CLDN15: variants seen among roughly 807,000 people sequenced by gnomAD.
CLDN15 encodes the protein claudin 15.
A neutral mutation model predicts 24.5 loss-of-function variants in CLDN15; 9 were observed. The ratio of observed to expected loss-of-function variants is 0.37; its 90% confidence interval spans 0.22 to 0.64. The LOEUF is 0.64. CLDN15 is among the 30% of genes least tolerant of loss of function. The pLI is 0.63. For missense variants in CLDN15, 248 were observed against 305.9 expected, an observed-to-expected ratio of 0.81 and a Z score of 1.41; for synonymous variants, 149 against 131.4, an observed-to-expected ratio of 1.13 and a Z score of -0.92.
chr7:101,234,281 C>T lies in CLDN15; in HGVS notation c.379G>A (p.Ala127Thr). 2 of 1,605,208 alleles carry T rather than the reference C, an allele frequency of 1.2e-6. No homozygotes were observed. The highest frequency in any genetic ancestry group is 1.7e-6 in the Non-Finnish European group (2 of 1,177,938). ...AATAGALHILAGICGMVAISW... is the reference protein window; with the variant it reads ...AATAGALHILTGICGMVAISW... ...CCCATCACCTTCCCCCAGTTACCGG[C>T]CAGAATGTGGAGGGCCCCTGCGGTG... The change falls in exon 2 of 5, where the codon GCC (alanine) becomes ACC (threonine). Residue 127 changes from alanine to threonine, a missense_variant. Ala to Thr is a moderately conservative substitution (Grantham distance 58). Transcript: ENST00000308344.
chr7:101,236,487 G>T (rs1338174732), intron 1 of CLDN15, among the ~76,000 whole-genome samples: 1 of 152,194 alleles, frequency 6.6e-6, no homozygotes, highest in Non-Finnish European at 1.5e-5. Context: ...ACGGTGCCTG[G>T]TGAGTGGACT....
Position 101,232,621 on chromosome 7 carries a change from G to C in CLDN15, c.564C>G (p.Asp188Glu). ...CTGCTCACCTGGCGGCTGGGTCCTC[G>C]TCAGAGCCGCAGCAGCAGGCGGAGC... ...CLCSACCCGS[D>E]EDPAASARRP... The change falls in exon 4 of 5, where the codon GAC (aspartate) becomes GAG (glutamate). Residue 188 changes from aspartate to glutamate, a missense_variant. By Grantham distance (45) the Asp-to-Glu change is conservative. Coordinates refer to ENST00000308344, the MANE Select transcript of CLDN15 (RefSeq NM_014343.3). 1.3e-6 allele frequency: 2 copies of C among 1,589,696 alleles called. No individual in the cohort carries two copies. Among genetic ancestry groups the C allele is most frequent in the African/African-American group, 2.7e-5 (2 of 74,644 alleles).
chr7:101,234,297 C>G lies in CLDN15; in HGVS notation c.363G>C (p.Gly121=). 1.2e-6 allele frequency: 2 copies of G among 1,608,448 alleles called. No individual in the cohort carries two copies. Among genetic ancestry groups the G allele is most frequent in the Non-Finnish European group, 1.7e-6 (2 of 1,179,578 alleles). ...SRKAKLAATA[G]ALHILAGICG... is the part of the protein sequence containing the mutation. ...AGTTACCGGCCAGAATGTGGAGGGC[C>G]CCTGCGGTGGCCGCCAGCTTGGCTT... Residue 121 remains glycine (G), a synonymous_variant, in exon 2 of 5, where the codon GGG becomes GGC. Coordinates refer to ENST00000308344, the MANE Select transcript of CLDN15 (RefSeq NM_014343.3).
chr7:101,232,419 G>A lies in CLDN15; in HGVS notation c.678C>T (p.Ala226=), dbSNP rs1175366935. The change falls in exon 5 of 5, where the codon GCC becomes GCT. Residue 226 remains alanine (A), a synonymous_variant. Coordinates refer to ENST00000308344, the MANE Select transcript of CLDN15 (RefSeq NM_014343.3). ...CCACGGGCCAGAGCTGCTACACGTA[G>A]GCGTTTCTGCCGTATTTGCCAAAGC... is the stretch of plus-strand genomic sequence containing the variant. ...DSSFGKYGRN[A]YV 2 of 1,611,598 alleles carry A rather than the reference G, an allele frequency of 1.2e-6. No individual in the cohort carries two copies. Among genetic ancestry groups the A allele is most frequent in the East Asian group, 2.2e-5 (1 of 44,850 alleles).
intron 1 of CLDN15, among the ~76,000 whole-genome samples, chr7:101,236,268 G>C (rs1356571167): frequency 2.6e-5 from 4 of 151,210 alleles, no homozygotes; most frequent in East Asian, 3.8e-4. Context: ...TTTGGGGGGG[G>C]GGCCCGCCGG....
intron 1 of CLDN15, among the ~76,000 whole-genome samples, chr7:101,235,865 C>T (rs1007273284): frequency 5.3e-5 from 8 of 152,076 alleles, no homozygotes; most frequent in Non-Finnish European, 7.4e-5. Context: ...GGTTGGGAGA[C>T]GCAGTCAGGT....
upstream of CLDN15, chr7:101,238,585 G>A (rs1469342776): frequency 6.6e-6 from 1 of 152,250 alleles, no homozygotes; most frequent in East Asian, 1.9e-4. Context: ...AACTGTCCTG[G>A]ATGTGAGTGT....
rs1468215851 is a variant in CLDN15, at chr7:101,237,093, GC to G, written c.217+271del. Among the ~76,000 whole-genome samples the G allele has an allele frequency of 1.3e-5, 2 of 152,184 alleles. No individual in the cohort carries two copies. Among genetic ancestry groups the G allele is most frequent in the African/African-American group, 4.8e-5 (2 of 41,440 alleles). On this transcript the variant is annotated intron_variant, in intron 1 of 4. Transcript: ENST00000308344. The surrounding 1 kb of genome is among the most constrained non-coding windows in gnomAD (Gnocchi z 4.0). The stretch of plus-strand genomic sequence containing the variant: ...GGAGATGAAGCTGGTTTCATCATTT[GC>G]CCACAGCACAGGGCTGGGAAAGGGG...
chr7:101,233,416 TTACCTCTGGAAAACAAGCAA>T (rs1798540976), intron 2 of CLDN15, among the ~76,000 whole-genome samples: 1 of 152,142 alleles, frequency 6.6e-6, no homozygotes, highest in African/African-American at 2.4e-5. Context: ...TGGGCCTGTT[TTACCTCTGGAAAACAAGCAA>T]TACCCACCCT....
rs1798646972 is a variant in CLDN15 at position 101,237,312 on chromosome 7, T to G, written c.217+53A>C. 1 of 1,172,968 alleles carries G rather than the reference T, an allele frequency of 8.5e-7. No homozygotes were observed. The allele number at this position is 1,172,968 out of a possible 1,614,324, so 72.7% of individuals were successfully genotyped here. ...CGGAAGTACCCGCCCTCCCCTGGGG[T>G]CTCTGCAGCTTCCCCGCCGCCCTCT... On this transcript the variant is annotated intron_variant, in intron 1 of 4. Coordinates refer to ENST00000308344, the MANE Select transcript of CLDN15 (RefSeq NM_014343.3). The surrounding 1 kb of genome is among the most constrained non-coding windows in gnomAD (Gnocchi z 4.0).
intron 2 of CLDN15, chr7:101,234,054 G>A (rs775594870): frequency 1.6e-5 from 11 of 695,948 alleles, no homozygotes; most frequent in African/African-American, 3.5e-5. Flanking sequence ...ACACCTGGCC[G>A]TGGCCAGCCC....
At chr7:101,236,415 C>T (rs780887778) in intron 1 of CLDN15, among the ~76,000 whole-genome samples, 3 of 152,166 alleles carry the variant, frequency 2.0e-5, no homozygotes, top group Non-Finnish European at 4.4e-5. Context: ...CCAACATCCC[C>T]GGGGGTGAGC....
chr7:101,234,296 C>A lies in CLDN15; in HGVS notation c.364G>T (p.Ala122Ser), dbSNP rs755717983. ...CAGTTACCGGCCAGAATGTGGAGGG[C>A]CCCTGCGGTGGCCGCCAGCTTGGCT... ...RKAKLAATAG[A>S]LHILAGICGM... Residue 122 changes from alanine (A) to serine (S), a missense_variant, in exon 2 of 5, where the codon GCC becomes TCC. Coordinates refer to ENST00000308344, the MANE Select transcript of CLDN15 (RefSeq NM_014343.3). 1.2e-6 allele frequency: 2 copies of A among 1,607,998 alleles called. No individual in the cohort carries two copies. Among genetic ancestry groups the A allele is most frequent in the East Asian group, 2.2e-5 (1 of 44,864 alleles).
chr7:101,234,574 G>C, intron 1 of CLDN15, 132 bp from the exon 2 acceptor site: 1 of 628,218 alleles, frequency 1.6e-6, no homozygotes, highest in East Asian at 2.8e-5. Flanking sequence ...TTACAGACAC[G>C]CACCACCACG....
Position 101,237,637 on chromosome 7 carries a change from C to G in CLDN15, c.-56G>C, listed in dbSNP as rs1798658553. On this transcript the variant is annotated 5_prime_UTR_variant, in exon 1 of 5. Coordinates refer to ENST00000308344, the MANE Select transcript of CLDN15 (RefSeq NM_014343.3). This position sits in a 1 kb window ranked among gnomAD's most constrained non-coding sequence, Gnocchi z 4.0. Reference sequence around the variant, plus strand: ...CCCCAGAGAGGGGGAGGGGCAGAACCCCTAGGGAACTGGAAGGGGCTGCGG... The same window carrying G: ...CCCCAGAGAGGGGGAGGGGCAGAACGCCTAGGGAACTGGAAGGGGCTGCGG... 1.5e-6 allele frequency: 2 copies of G among 1,311,264 alleles called. No individual in the cohort carries two copies. The highest frequency in any genetic ancestry group is 2.4e-5 in the South Asian group (2 of 83,400). The allele number at this position is 1,311,264 out of a possible 1,614,324, so 81.2% of individuals were successfully genotyped here.
At position 101,237,269 on chromosome 7, in the gene CLDN15, G is replaced by C. The variant is rs1403245397; in HGVS notation, c.217+96C>G. 1.2e-6 allele frequency: 1 copy of C among 830,720 alleles called. No homozygotes were observed. The allele number at this position is 830,720 out of a possible 1,614,324, so 51.5% of individuals were successfully genotyped here. On this transcript the variant is annotated intron_variant, in intron 1 of 4. Coordinates refer to ENST00000308344, the MANE Select transcript of CLDN15 (RefSeq NM_014343.3). The surrounding 1 kb of genome is among the most constrained non-coding windows in gnomAD (Gnocchi z 4.0). ...ACTCAGACCCGCAGAGCTTAATTCAGGGCTCCCTGCATCCTCACGGAAGTA... is the reference window on the plus strand; with the variant it reads ...ACTCAGACCCGCAGAGCTTAATTCACGGCTCCCTGCATCCTCACGGAAGTA...
Position 101,237,632 on chromosome 7 carries a change from A to C in CLDN15, c.-51T>G, listed in dbSNP as rs1285700413. 1.5e-6 allele frequency: 2 copies of C among 1,363,352 alleles called. No homozygotes were observed. Among genetic ancestry groups the C allele is most frequent in the Non-Finnish European group, 2.1e-6 (2 of 957,228 alleles). 84.5% of individuals were successfully genotyped at this position (1,363,352 alleles called of 1,614,324 possible). ...TGGTGCCCCAGAGAGGGGGAGGGGC[A>C]GAACCCCTAGGGAACTGGAAGGGGC... On this transcript the variant is annotated 5_prime_UTR_variant, in exon 1 of 5. Transcript: ENST00000308344. This position sits in a 1 kb window ranked among gnomAD's most constrained non-coding sequence, Gnocchi z 4.0.
In CLDN15 at chr7:101,237,295, C is replaced by T. The variant is rs1454090665; in HGVS notation, c.217+70G>A. On this transcript the variant is annotated intron_variant, in intron 1 of 4. Coordinates refer to ENST00000308344, the MANE Select transcript of CLDN15 (RefSeq NM_014343.3). The surrounding 1 kb of genome is among the most constrained non-coding windows in gnomAD (Gnocchi z 4.0). ...GGCTCCCTGCATCCTCACGGAAGTACCCGCCCTCCCCTGGGGTCTCTGCAG... is the reference window on the plus strand; with the variant it reads ...GGCTCCCTGCATCCTCACGGAAGTATCCGCCCTCCCCTGGGGTCTCTGCAG... The T allele has an allele frequency of 3.9e-6, 4 of 1,015,420 alleles. No individual in the cohort carries two copies. The highest frequency in any genetic ancestry group is 4.0e-5 in the Admixed American group (2 of 50,256). 62.9% of individuals were successfully genotyped at this position (1,015,420 alleles called of 1,614,324 possible).
chr7:101,236,643 G>A (rs759370112), intron 1 of CLDN15: 9 of 854,846 alleles, frequency 1.1e-5, no homozygotes, highest in African/African-American at 3.6e-5. Context: ...AGCAGGGAGC[G>A]GGAAGGTGCC....
Sources: allele counts gnomAD v4.1 joint callset (sites outside exome capture counted in the v4.1 genomes callset), GRCh38; gene constraint gnomAD v4.1.1; non-coding constraint Gnocchi (gnomAD v3.1); transcripts MANE v1.5; gene names NCBI Gene and HGNC (gene_info 2026-07-23, HGNC 2026-07-21).